TYW1B: variants seen among roughly 807,000 people sequenced by gnomAD.
TYW1B encodes the protein S-adenosyl-L-methionine-dependent tRNA 4-demethylwyosine synthase TYW1B.
TYW1B carries 73 observed loss-of-function variants against 86.9 expected under a neutral mutation model. That is an observed-to-expected ratio of 0.84 (90% CI 0.70 to 1.02). The LOEUF (loss-of-function observed/expected upper bound fraction) is 1.02. Ranked by LOEUF, TYW1B falls within the 50% of genes least tolerant of loss-of-function variation. TYW1B has a pLI of 0.00. For missense variants in TYW1B, 637 were observed against 827.4 expected (o/e 0.77, Z 2.82); for synonymous variants, 248 against 292.8 (o/e 0.85, Z 1.56).
intron 6 of TYW1B, among the ~76,000 whole-genome samples, chr7:72,778,090 C>G (rs1554470929): frequency 6.6e-6 from 1 of 152,108 alleles, no homozygotes; most frequent in African/African-American, 2.4e-5. Flanking sequence ...ACATACACAT[C>G]CAAAAACCAT....
chr7:72,587,986 C>T (rs1811312767), intron 13 of TYW1B, among the ~76,000 whole-genome samples: 1 of 152,098 alleles, frequency 6.6e-6, no homozygotes, highest in Non-Finnish European at 1.5e-5. Flanking sequence ...CCCAGATTTA[C>T]CAAAATTTGT....
In TYW1B at chr7:72,715,504, C is replaced by T. The variant is rs574236526; in HGVS notation, c.1193-1706G>A. On this transcript the variant is annotated intron_variant, in intron 9 of 13. Coordinates refer to ENST00000620995, the MANE Select transcript of TYW1B (RefSeq NM_001145440.3). ...AGTCTAACAGAGAATGTGAAAGACT[C>T]GGAAAGAGTGTAAATAGGCAAAATT... 2.7e-4 allele frequency among the ~76,000 whole-genome samples: 41 copies of T among 152,060 alleles called. 1 individual carries two copies. The highest frequency in any genetic ancestry group is 2.4e-3 in the Admixed American group (36 of 15,262).
intron 2 of TYW1B, among the ~76,000 whole-genome samples, chr7:72,825,957 G>A (rs143039960): frequency 5.7e-4 from 87 of 152,312 alleles, no homozygotes; most frequent in African/African-American, 2.1e-3. Flanking sequence ...AGGGGAAAAG[G>A]CTGGGAGAAA....
At chr7:72,689,821 CT>C (rs1187306930) in intron 11 of TYW1B, among the ~76,000 whole-genome samples, 1 of 152,174 alleles carries the variant, frequency 6.6e-6, no homozygotes, top group Non-Finnish European at 1.5e-5. Context: ...TTTCTCTTTA[CT>C]TCCCCCAAAT....
chr7:72,637,919 T>C (rs1812711525), intron 11 of TYW1B, among the ~76,000 whole-genome samples: 1 of 151,756 alleles, frequency 6.6e-6, no homozygotes, highest in East Asian at 1.9e-4. Flanking sequence ...CTCATTTCTG[T>C]TGTGCAATCA....
chr7:72,748,037 A>G (rs1437234350), intron 7 of TYW1B, among the ~76,000 whole-genome samples: 2 of 152,104 alleles, frequency 1.3e-5, no homozygotes, highest in Non-Finnish European at 2.9e-5. Context: ...TTGGGAGGCC[A>G]AGGCGGGTGG....
rs1286830686 is a variant in TYW1B at position 72,632,330 on chromosome 7, TATAC to T, written c.1507-3337_1507-3334del. 3.3e-3 allele frequency among the ~76,000 whole-genome samples: 389 copies of T among 118,980 alleles called. 1 individual carries two copies. Among genetic ancestry groups the T allele is most frequent in the South Asian group, 6.3e-3 (25 of 3,962 alleles). The allele number at this position is 118,980 out of a possible 152,430, so 78.1% of individuals were successfully genotyped here. ...ATATATATTATATATATTATATATATATACACGTATATATATTATATATATTATA... is the reference window on the plus strand; with the variant it reads ...ATATATATTATATATATTATATATATACGTATATATATTATATATATTATA... On this transcript the variant is annotated intron_variant, in intron 11 of 13. Transcript: ENST00000620995.
chr7:72,703,026 A>ATATATATTTTTT (rs1563064838), intron 10 of TYW1B, among the ~76,000 whole-genome samples: 1 of 35,208 alleles, frequency 2.8e-5, no homozygotes, highest in African/African-American at 1.2e-4. Context: ...ATATATATAT[A>ATATATATTTTTT]TTTTTTTTTT....
At chr7:72,743,338 T>C (rs1445504057) in intron 8 of TYW1B, among the ~76,000 whole-genome samples, 1 of 152,176 alleles carries the variant, frequency 6.6e-6, no homozygotes, top group African/African-American at 2.4e-5. Flanking sequence ...TAGAAGAGAC[T>C]GGTATCTCTG....
intron 13 of TYW1B, among the ~76,000 whole-genome samples, chr7:72,576,581 C>T (rs1175086758): frequency 3.4e-5 from 5 of 147,918 alleles, no homozygotes; most frequent in South Asian, 2.1e-4. Flanking sequence ...GGCCTGATCT[C>T]GGCTCACTGC....
chr7:72,665,592 G>A (rs1301431764), intron 11 of TYW1B, among the ~76,000 whole-genome samples: 1 of 151,382 alleles, frequency 6.6e-6, no homozygotes, highest in Non-Finnish European at 1.5e-5. Context: ...TTGTAGTTTT[G>A]AATTCCCTTT....
intron 13 of TYW1B, among the ~76,000 whole-genome samples, chr7:72,582,062 C>A (rs1245394038): frequency 7.0e-6 from 1 of 143,282 alleles, no homozygotes; most frequent in Non-Finnish European, 1.5e-5. Context: ...AGCCACTGCA[C>A]CTGGCAAAAA....
intron 11 of TYW1B, among the ~76,000 whole-genome samples, chr7:72,636,919 G>A (rs781177532): frequency 6.6e-6 from 1 of 152,166 alleles, no homozygotes. Flanking sequence ...GCTTATGCCT[G>A]TAATCCCAGC....
chr7:72,711,069 C>T (rs560508558), intron 10 of TYW1B, among the ~76,000 whole-genome samples: 110 of 152,170 alleles, frequency 7.2e-4, no homozygotes, highest in South Asian at 6.2e-4. Flanking sequence ...CAGATAAGAC[C>T]CCTGGGGCAC....
At chr7:72,724,903 GT>G (rs1786970498) in intron 9 of TYW1B, among the ~76,000 whole-genome samples, 1 of 152,090 alleles carries the variant, frequency 6.6e-6, no homozygotes, top group Non-Finnish European at 1.5e-5. Context: ...ATCCATAGAC[GT>G]GCTCTATTCT....
At chr7:72,633,446 A>C in intron 11 of TYW1B, among the ~76,000 whole-genome samples, 1 of 152,214 alleles carries the variant, frequency 6.6e-6, no homozygotes, top group Admixed American at 6.5e-5. Flanking sequence ...GCTCTCTCTC[A>C]CTTTGCTAAA....
intron 9 of TYW1B, among the ~76,000 whole-genome samples, chr7:72,721,216 T>C (rs1279388786): frequency 6.6e-6 from 1 of 152,226 alleles, no homozygotes; most frequent in African/African-American, 2.4e-5. Context: ...TACGTGTACA[T>C]GTGTCTTTAT....
At chr7:72,632,390 A>G (rs1201286035) in intron 11 of TYW1B, among the ~76,000 whole-genome samples, 6 of 96,410 alleles carry the variant, frequency 6.2e-5, no homozygotes, top group South Asian at 2.7e-4. Flanking sequence ...ATATATACGT[A>G]TATATATATA....
intron 7 of TYW1B, among the ~76,000 whole-genome samples, chr7:72,773,781 G>T (rs1330629158): frequency 6.6e-6 from 1 of 152,086 alleles, no homozygotes; most frequent in Non-Finnish European, 1.5e-5. Flanking sequence ...TATCCCAAAT[G>T]GGATGGGCAT....
Sources: gnomAD v4.1 joint callset for allele counts (sites outside exome capture counted in the v4.1 genomes callset) on GRCh38, gnomAD v4.1.1 for gene constraint, MANE v1.5 for transcripts, NCBI Gene and HGNC (gene_info 2026-07-23, HGNC 2026-07-21) for gene names.